SYN3: variants seen among roughly 807,000 people sequenced by gnomAD.
SYN3 encodes the protein synapsin III.
A neutral mutation model predicts 65.8 loss-of-function variants in SYN3; 35 were observed. That is an observed-to-expected ratio of 0.53 (90% CI 0.41 to 0.70). The LOEUF (loss-of-function observed/expected upper bound fraction) is 0.70. Ranked by LOEUF, SYN3 falls within the 30% of genes least tolerant of loss-of-function variation. SYN3 has a pLI of 0.00. For synonymous variants in SYN3, 270 were observed against 292.9 expected, an observed-to-expected ratio of 0.92 and a Z score of 0.80; for missense variants, 680 against 749.0, an observed-to-expected ratio of 0.91 and a Z score of 1.08.
intron 1 of SYN3, among the ~76,000 whole-genome samples, chr22:33,025,774 TAC>T (rs145410249): frequency 0.013 from 1,910 of 152,316 alleles, 44 homozygotes; most frequent in African/African-American, 0.043. Context: ...CCCCAAGGTC[TAC>T]AGTTTGCCAA....
chr22:32,549,724 C>T (rs575763184), intron 7 of SYN3, among the ~76,000 whole-genome samples: 2 of 152,222 alleles, frequency 1.3e-5, no homozygotes, highest in South Asian at 4.2e-4. Context: ...CATAGTGAAA[C>T]TCAGTCTCTA....
At chr22:32,756,390 TGTGCACA>T (rs1267214897) in intron 6 of SYN3, among the ~76,000 whole-genome samples, 1 of 152,192 alleles carries the variant, frequency 6.6e-6, no homozygotes, top group Non-Finnish European at 1.5e-5. Context: ...ACCTGCACGT[TGTGCACA>T]TGTACTCTAA....
At chr22:33,025,213 T>G (rs564660185) in intron 1 of SYN3, among the ~76,000 whole-genome samples, 1 of 151,972 alleles carries the variant, frequency 6.6e-6, no homozygotes, top group African/African-American at 2.4e-5. Context: ...TCCCAGCACT[T>G]TGGGAGGCCG....
At chr22:32,979,276 CTCT>C (rs1355716180) in intron 3 of SYN3, among the ~76,000 whole-genome samples, 4 of 152,052 alleles carry the variant, frequency 2.6e-5, no homozygotes, top group African/African-American at 9.6e-5. Flanking sequence ...GAGACTGGGC[CTCT>C]TCTTCTATAT....
chr22:32,875,281 G>A (rs1365367192), intron 4 of SYN3, among the ~76,000 whole-genome samples: 3 of 152,158 alleles, frequency 2.0e-5, no homozygotes, highest in Non-Finnish European at 4.4e-5. Context: ...TGTTGAATCC[G>A]AGGGCCCTCT....
chr22:32,951,339 G>A (rs910288376), intron 3 of SYN3, among the ~76,000 whole-genome samples: 7 of 151,834 alleles, frequency 4.6e-5, no homozygotes, highest in Non-Finnish European at 7.4e-5. Context: ...TCTCAGTGGC[G>A]CCCCCAGCTG....
intron 6 of SYN3, among the ~76,000 whole-genome samples, chr22:32,831,072 T>C (rs188578483): frequency 6.6e-6 from 1 of 152,288 alleles, no homozygotes; most frequent in East Asian, 1.9e-4. Context: ...GCAGCTTCCA[T>C]GGCTGGGATG....
intron 6 of SYN3, among the ~76,000 whole-genome samples, chr22:32,633,708 G>A (rs905585250): frequency 6.6e-6 from 1 of 152,056 alleles, no homozygotes; most frequent in African/African-American, 2.4e-5. Context: ...CTGCAGCCTC[G>A]ACCTCCCAGG....
rs764214887 is a variant in SYN3, at chr22:32,859,327, C to A, written c.711+5588G>T. The A allele has an allele frequency of 3.1e-6, 5 of 1,613,792 alleles. No individual in the cohort carries two copies. The East Asian group carries it at 1.1e-4, about 36-fold the overall frequency. ...GAAGGGCGGCTACTGCAGCTGGTAC[C>A]GAGGATGGGCCCCCCCGGATAAAAG... On this transcript the variant is annotated intron_variant, in intron 6 of 13. Transcript: ENST00000358763.
chr22:32,829,547 G>A lies in SYN3; in HGVS notation c.711+35368C>T, dbSNP rs115791325. 9.7e-3 allele frequency among the ~76,000 whole-genome samples: 1,479 copies of A among 152,320 alleles called. 24 individuals are homozygous for A. Among genetic ancestry groups the A allele is most frequent in the African/African-American group, 0.033 (1,381 of 41,576 alleles). On this transcript the variant is annotated intron_variant, in intron 6 of 13. Coordinates refer to ENST00000358763, the MANE Select transcript of SYN3 (RefSeq NM_003490.4). ...CATCCCCACCGCAGCAGGGCTGCCC[G>A]CCTCCTGTTTCGTGAAAAACGGCCC...
intron 3 of SYN3, among the ~76,000 whole-genome samples, chr22:32,937,175 T>C (rs182252062): frequency 6.6e-5 from 10 of 151,970 alleles, no homozygotes; most frequent in African/African-American, 2.2e-4. Context: ...GGAGAGATGA[T>C]GGGAAGAGCA....
chr22:32,748,800 T>G (rs1313162535), intron 6 of SYN3, among the ~76,000 whole-genome samples: 3 of 152,100 alleles, frequency 2.0e-5, no homozygotes. Context: ...AAGCCCCTGG[T>G]CTCTGCCCCA....
At position 32,888,290 on chromosome 22, in the gene SYN3, A is replaced by T. The variant is rs140012227; in HGVS notation, c.462-19165T>A. On this transcript the variant is annotated intron_variant, in intron 4 of 13. Transcript: ENST00000358763. Reference sequence around the variant, plus strand: ...GGTCACTTAGAGATAAAGTTATATGATTCCATAAAGGGCCCACACAGTATG... The same window carrying T: ...GGTCACTTAGAGATAAAGTTATATGTTTCCATAAAGGGCCCACACAGTATG... Among the ~76,000 whole-genome samples, 863 of 152,328 alleles carry T rather than the reference A, an allele frequency of 5.7e-3. 1 individual carries two copies. The highest frequency in any genetic ancestry group is 8.1e-3 in the Non-Finnish European group (548 of 68,028).
chr22:32,687,381 C>T (rs762015247), intron 6 of SYN3, among the ~76,000 whole-genome samples: 176 of 151,730 alleles, frequency 1.2e-3, no homozygotes, highest in Non-Finnish European at 2.0e-3. Flanking sequence ...CCAGGCTAGT[C>T]TTGAACTCCT....
intron 6 of SYN3, among the ~76,000 whole-genome samples, chr22:32,609,271 C>G (rs559987010): frequency 6.6e-6 from 1 of 151,796 alleles, no homozygotes; most frequent in East Asian, 1.9e-4. Context: ...TTTCGGTGAG[C>G]GGAGATGGAG....
Position 32,858,273 on chromosome 22 carries a change from G to A in SYN3, c.711+6642C>T, listed in dbSNP as rs1323965166. On this transcript the variant is annotated intron_variant, in intron 6 of 13. Coordinates refer to ENST00000358763, the MANE Select transcript of SYN3 (RefSeq NM_003490.4). ...TGTGTTAGGCCAGGGCAGAGGGGCA[G>A]GTCTGAGCAGATATAGTAAGGATTG... 7.9e-6 allele frequency: 10 copies of A among 1,266,776 alleles called. No individual in the cohort carries two copies. The Admixed American group carries it at 9.4e-5, about 12-fold the overall frequency. 78.5% of individuals were successfully genotyped at this position (1,266,776 alleles called of 1,614,324 possible). A position where few individuals can be genotyped will look rare whatever the true frequency, so the allele number is the denominator to read the frequency against.
intron 6 of SYN3, among the ~76,000 whole-genome samples, chr22:32,748,735 C>T (rs989194835): frequency 2.6e-5 from 4 of 152,248 alleles, no homozygotes; most frequent in African/African-American, 9.6e-5. Flanking sequence ...TCGACCAGAA[C>T]GAAGGTAGCC....
At chr22:32,990,289 A>AATCCATCCATGAATCCATCC (rs1177431281) in intron 2 of SYN3, among the ~76,000 whole-genome samples, 1 of 139,908 alleles carries the variant, frequency 7.1e-6, no homozygotes, top group African/African-American at 3.2e-5. Flanking sequence ...TCCATCCATG[A>AATCCATCCATGAATCCATCC]ATCCATCCAT....
At chr22:32,562,632 C>A (rs1253800493) in intron 7 of SYN3, among the ~76,000 whole-genome samples, 1 of 152,226 alleles carries the variant, frequency 6.6e-6, no homozygotes, top group Non-Finnish European at 1.5e-5. Flanking sequence ...AGCCGCTCCA[C>A]CCTACTCCGT....
Sources: gnomAD v4.1 joint callset for allele counts (sites outside exome capture counted in the v4.1 genomes callset) on GRCh38, gnomAD v4.1.1 for gene constraint, MANE v1.5 for transcripts, NCBI Gene and HGNC (gene_info 2026-07-23, HGNC 2026-07-21) for gene names.